AP3M1: variants seen among roughly 807,000 people sequenced by gnomAD.
AP3M1 encodes the protein adaptor related protein complex 3 subunit mu 1, also known as AP-3 complex subunit mu-1.
A neutral mutation model predicts 42.6 loss-of-function variants in AP3M1; 29 were observed. The ratio of observed to expected loss-of-function variants is 0.68; its 90% CI spans 0.51 to 0.93. The LOEUF (loss-of-function observed/expected upper bound fraction) is 0.93, where lower values mean the gene tolerates loss of function less well. Among genes scored for constraint, AP3M1 ranks in the 40% least tolerant of loss-of-function variants. The pLI, the probability that AP3M1 is intolerant of heterozygous loss-of-function variation, is 0.00. For missense variants in AP3M1, 416 were observed against 510.2 expected (o/e 0.82, Z 1.78); for synonymous variants, 178 against 175.3 (o/e 1.02, Z -0.12).
intron 1 of AP3M1, among the ~76,000 whole-genome samples, chr10:74,139,499 A>C (rs1169694586): frequency 6.6e-6 from 1 of 151,566 alleles, no homozygotes; most frequent in Non-Finnish European, 1.5e-5. Flanking sequence ...AAACAATTTC[A>C]GGCCGGGCGT....
At chr10:74,136,171 A>G (rs1371703747) in intron 3 of AP3M1, among the ~76,000 whole-genome samples, 1 of 152,158 alleles carries the variant, frequency 6.6e-6, no homozygotes, top group East Asian at 1.9e-4. Context: ...AAAAACAAAG[A>G]CTTGGAGGAG....
At chr10:74,139,460 A>AAC (rs1554822332) in intron 1 of AP3M1, among the ~76,000 whole-genome samples, 2 of 151,654 alleles carry the variant, frequency 1.3e-5, no homozygotes, top group African/African-American at 4.9e-5. Context: ...TTAAAAAAAA[A>AAC]AAAACAAAAC....
intron 1 of AP3M1, among the ~76,000 whole-genome samples, chr10:74,139,913 C>A (rs1227924586): frequency 0.01 from 1,151 of 111,044 alleles, no homozygotes; most frequent in Middle Eastern, 0.015. Flanking sequence ...GACTCCATCT[C>A]AAAAAAAAAA....
At chr10:74,140,601 T>C (rs1841115553) in intron 1 of AP3M1, among the ~76,000 whole-genome samples, 1 of 148,836 alleles carries the variant, frequency 6.7e-6, no homozygotes, top group South Asian at 2.1e-4. Context: ...AATATATATA[T>C]TTGAATTAAA....
In AP3M1 at chr10:74,130,700, C is replaced by T. The variant is rs539462957; in HGVS notation, c.584-708G>A. Among the ~76,000 whole-genome samples, 146 of 152,258 alleles carry T rather than the reference C, an allele frequency of 9.6e-4. 1 individual carries two copies. Among genetic ancestry groups the T allele is most frequent in the African/African-American group, 3.3e-3 (136 of 41,550 alleles). On this transcript the variant is annotated intron_variant, in intron 4 of 8. Coordinates refer to ENST00000355264, the MANE Select transcript of AP3M1 (RefSeq NM_012095.6). ...TCAAGCAATCCGCCTACCTTAGCTT[C>T]CCAAAGTGCTGGGATTACAGGTGTG...
intron 1 of AP3M1, among the ~76,000 whole-genome samples, chr10:74,146,505 A>G (rs1340660628): frequency 6.6e-6 from 1 of 152,172 alleles, no homozygotes; most frequent in Non-Finnish European, 1.5e-5. Context: ...CAGTGAAAAG[A>G]TAAGAGAAAC....
intron 1 of AP3M1, among the ~76,000 whole-genome samples, chr10:74,142,504 G>T (rs1467682087): frequency 6.6e-6 from 1 of 152,178 alleles, no homozygotes; most frequent in Non-Finnish European, 1.5e-5. Flanking sequence ...TAGTTACTAA[G>T]ATATGTTTTA....
chr10:74,123,937 A>T, intron 8 of AP3M1, 27 bp from the exon 9 acceptor site: 1 of 1,577,464 alleles, frequency 6.3e-7, no homozygotes, highest in Non-Finnish European at 8.7e-7. Flanking sequence ...GAAAAAGAAT[A>T]AATTATCATC....
chr10:74,130,059 G>T, intron 4 of AP3M1, 67 bp from the exon 5 acceptor site: 2 of 1,044,212 alleles, frequency 1.9e-6, no homozygotes, highest in South Asian at 1.3e-5. Flanking sequence ...ACCTATCACT[G>T]TATCTTTTTA....
intron 1 of AP3M1, chr10:74,139,027 C>G (rs1841040628): frequency 6.6e-6 from 1 of 151,720 alleles, no homozygotes. Context: ...AACACTTTCT[C>G]CTTAATAACA....
At chr10:74,124,357 C>T (rs1445807564) in intron 8 of AP3M1, 23 bp downstream of exon 8, 1 of 1,582,864 alleles carries the variant, frequency 6.3e-7, no homozygotes, top group East Asian at 2.2e-5. Context: ...TTACCCTTAA[C>T]TACAAGTCAA....
intron 3 of AP3M1, 147 bp downstream of exon 3, chr10:74,136,485 T>C (rs969832540): frequency 2.9e-5 from 15 of 517,426 alleles, no homozygotes; most frequent in African/African-American, 2.8e-4. Context: ...TGAAAATAAA[T>C]ATATAGTACA....
intron 1 of AP3M1, among the ~76,000 whole-genome samples, chr10:74,145,544 T>C (rs898112821): frequency 3.3e-5 from 5 of 152,230 alleles, no homozygotes; most frequent in African/African-American, 1.2e-4. Flanking sequence ...AGCCTGTTTC[T>C]TTATTTATCG....
chr10:74,129,526 T>A (rs556449470), intron 5 of AP3M1, among the ~76,000 whole-genome samples: 1 of 152,336 alleles, frequency 6.6e-6, no homozygotes, highest in African/African-American at 2.4e-5. Flanking sequence ...CAGAGCAAAC[T>A]GGTGACAACA....
At chr10:74,129,811 C>T (rs934938438) in intron 5 of AP3M1, 96 bp downstream of exon 5, 21 of 868,726 alleles carry the variant, frequency 2.4e-5, no homozygotes, top group Non-Finnish European at 7.6e-6. Flanking sequence ...CCTTTGCAAT[C>T]TAAGATGCAA....
intron 1 of AP3M1, among the ~76,000 whole-genome samples, chr10:74,149,446 C>T (rs766164646): frequency 5.6e-4 from 85 of 151,818 alleles, no homozygotes; most frequent in Non-Finnish European, 8.4e-4. Flanking sequence ...TGTGCCACCA[C>T]ACCTGGCTAA....
intron 7 of AP3M1, among the ~76,000 whole-genome samples, chr10:74,125,663 CCT>C (rs1564542666): frequency 2.0e-5 from 3 of 152,090 alleles, no homozygotes; most frequent in Non-Finnish European, 2.9e-5. Context: ...CTCTGAAAAC[CCT>C]CTGTTACACA....
chr10:74,148,632 G>A (rs1349091933), intron 1 of AP3M1, among the ~76,000 whole-genome samples: 1 of 151,940 alleles, frequency 6.6e-6, no homozygotes, highest in African/African-American at 2.4e-5. Context: ...CTGTAACTTT[G>A]AACTCCTGGG....
intron 6 of AP3M1, among the ~76,000 whole-genome samples, chr10:74,128,651 C>T (rs1485425773): frequency 2.0e-5 from 3 of 152,090 alleles, no homozygotes; most frequent in African/African-American, 4.8e-5. Context: ...TTGTTGGCCA[C>T]AAACTCTACA....
Sources: gnomAD v4.1 joint callset for allele counts (sites outside exome capture counted in the v4.1 genomes callset) on GRCh38, gnomAD v4.1.1 for gene constraint, MANE v1.5 for transcripts, NCBI Gene and HGNC (gene_info 2026-07-23, HGNC 2026-07-21) for gene names.